Variants in DTNB observed in about 807,000 individuals in gnomAD.
The protein encoded by DTNB is dystrobrevin beta.
A neutral mutation model predicts 90.7 loss-of-function variants in DTNB; 63 were observed. The ratio of observed to expected loss-of-function variants is 0.69; its 90% CI spans 0.57 to 0.86. The LOEUF (loss-of-function observed/expected upper bound fraction) is 0.86. Among genes scored for constraint, DTNB ranks in the 40% least tolerant of loss-of-function variants. DTNB has a pLI of 0.00. For synonymous variants in DTNB, 277 were observed against 286.7 expected, an observed-to-expected ratio of 0.97 and a Z score of 0.34; for missense variants, 744 against 807.1, an observed-to-expected ratio of 0.92 and a Z score of 0.95.
intron 12 of DTNB, among the ~76,000 whole-genome samples, chr2:25,448,620 C>T (rs1462536356): frequency 1.1e-4 from 17 of 151,884 alleles, no homozygotes; most frequent in Admixed American, 3.9e-4. Flanking sequence ...TTTGGGAGGC[C>T]GAGGCAGGCG....
chr2:25,570,436 A>AAG (rs2059696177), intron 8 of DTNB, among the ~76,000 whole-genome samples: 18 of 148,824 alleles, frequency 1.2e-4, no homozygotes, highest in African/African-American at 4.5e-4. Context: ...AAAAAAGAAG[A>AAG]AAAAAAAATG....
At chr2:25,418,127 C>T (rs1363113187) in intron 16 of DTNB, among the ~76,000 whole-genome samples, 1 of 152,142 alleles carries the variant, frequency 6.6e-6, no homozygotes, top group Admixed American at 6.5e-5. Context: ...AAGAAAAAAG[C>T]AAAACCAAAC....
chr2:25,423,654 T>G (rs1252226280), intron 15 of DTNB, among the ~76,000 whole-genome samples: 2 of 152,122 alleles, frequency 1.3e-5, no homozygotes, highest in Non-Finnish European at 2.9e-5. Flanking sequence ...CCCTTTTAAA[T>G]TAAAATTAGG....
intron 5 of DTNB, among the ~76,000 whole-genome samples, chr2:25,604,789 C>A (rs1559201561): frequency 6.6e-6 from 1 of 152,134 alleles, no homozygotes; most frequent in Non-Finnish European, 1.5e-5. Context: ...AAGGTTTCAC[C>A]ATGTTGGCCA....
intron 9 of DTNB, among the ~76,000 whole-genome samples, chr2:25,484,455 A>G (rs1177526380): frequency 6.6e-6 from 1 of 152,226 alleles, no homozygotes; most frequent in Non-Finnish European, 1.5e-5. Flanking sequence ...CAGGTTTCAT[A>G]GTACACTCAA....
intron 9 of DTNB, among the ~76,000 whole-genome samples, chr2:25,502,670 T>C (rs1042549331): frequency 3.3e-5 from 5 of 151,484 alleles, no homozygotes; most frequent in African/African-American, 1.2e-4. Flanking sequence ...GATCATGAAG[T>C]CAGGAGATGG....
chr2:25,501,207 G>GTTTTTTTT (rs5829979), intron 9 of DTNB, among the ~76,000 whole-genome samples: 1 of 149,078 alleles, frequency 6.7e-6, no homozygotes, highest in Non-Finnish European at 1.5e-5. Context: ...AGATCTAGAA[G>GTTTTTTTT]TTTTTTTTTT....
At chr2:25,546,335 C>T (rs575274734) in intron 8 of DTNB, among the ~76,000 whole-genome samples, 7 of 152,356 alleles carry the variant, frequency 4.6e-5, no homozygotes, top group African/African-American at 1.4e-4. Context: ...AGTGTGCAAA[C>T]TGTTCACTAG....
intron 8 of DTNB, among the ~76,000 whole-genome samples, chr2:25,534,540 C>T (rs1378445775): frequency 6.6e-6 from 1 of 152,150 alleles, no homozygotes; most frequent in African/African-American, 2.4e-5. Flanking sequence ...GGGTACACTT[C>T]CCAGATGGGG....
intron 16 of DTNB, among the ~76,000 whole-genome samples, chr2:25,413,113 T>C (rs1300412261): frequency 6.6e-6 from 1 of 152,210 alleles, no homozygotes; most frequent in African/African-American, 2.4e-5. Context: ...TTTTATGCCA[T>C]GTATCAGTAT....
intron 1 of DTNB, among the ~76,000 whole-genome samples, chr2:25,655,215 G>C (rs1396485946): frequency 2.0e-5 from 3 of 152,208 alleles, no homozygotes; most frequent in East Asian, 3.8e-4. Flanking sequence ...AGATTCTTCT[G>C]AACCTTCTAG....
intron 16 of DTNB, among the ~76,000 whole-genome samples, chr2:25,398,031 C>T (rs17046986): frequency 0.37 from 56,736 of 152,078 alleles, 11,950 homozygotes; most frequent in East Asian, 0.6. Context: ...GAGGACCGCA[C>T]ATCAGAGTCA....
intron 9 of DTNB, among the ~76,000 whole-genome samples, chr2:25,526,297 G>A (rs142976267): frequency 5.4e-5 from 8 of 147,766 alleles, no homozygotes; most frequent in Admixed American, 1.4e-4. Context: ...AGCAACCAAC[G>A]TGTCCACCTC....
At position 25,430,444 on chromosome 2, in the gene DTNB, A is replaced by T. The variant is rs151187960; in HGVS notation, c.1457+2442T>A. ...CTTTATCTGTACTGTGTGTGACCAA[A>T]CAATTACGGTATAAGCTGAACATGA... On this transcript the variant is annotated intron_variant, in intron 14 of 20. Coordinates refer to ENST00000406818, the MANE Select transcript of DTNB (RefSeq NM_021907.5). 1.5e-3 allele frequency among the ~76,000 whole-genome samples: 224 copies of T among 152,164 alleles called. 1 individual carries two copies. The highest frequency in any genetic ancestry group is 5.1e-3 in the African/African-American group (212 of 41,520).
chr2:25,493,143 A>AT (rs1050964943), intron 9 of DTNB, among the ~76,000 whole-genome samples: 2 of 152,134 alleles, frequency 1.3e-5, no homozygotes, highest in African/African-American at 4.8e-5. Context: ...TCTTGAGCAG[A>AT]TTTTTTGGGT....
intron 18 of DTNB, 100 bp from the exon 19 acceptor site, chr2:25,383,989 A>G: frequency 5.6e-6 from 9 of 1,593,752 alleles, no homozygotes; most frequent in Non-Finnish European, 7.7e-6. Context: ...AGGAAACTCT[A>G]GCTAACAGCT....
At chr2:25,666,127 G>A (rs2084382175) in intron 1 of DTNB, among the ~76,000 whole-genome samples, 1 of 152,152 alleles carries the variant, frequency 6.6e-6, no homozygotes, top group Admixed American at 6.5e-5. Flanking sequence ...TATAATGTTA[G>A]TATACAAAAA....
intron 1 of DTNB, among the ~76,000 whole-genome samples, chr2:25,656,737 C>T (rs537576424): frequency 1.3e-5 from 2 of 152,334 alleles, no homozygotes; most frequent in Admixed American, 6.5e-5. Flanking sequence ...CCAGTAGGCA[C>T]GTTTATTGAA....
intron 8 of DTNB, among the ~76,000 whole-genome samples, chr2:25,533,767 A>C (rs1463338728): frequency 6.6e-6 from 1 of 151,346 alleles, no homozygotes; most frequent in East Asian, 1.9e-4. Flanking sequence ...CTTTCTGTAC[A>C]TTTTTTTCTC....
Sources: gnomAD v4.1 joint callset for allele counts (sites outside exome capture counted in the v4.1 genomes callset) on GRCh38, gnomAD v4.1.1 for gene constraint, MANE v1.5 for transcripts, NCBI Gene and HGNC (gene_info 2026-07-23, HGNC 2026-07-21) for gene names.